The following SGCZ variants were observed in gnomAD, a reference collection of about 807,000 sequenced individuals.
The protein encoded by SGCZ is zeta-sarcoglycan.
A neutral mutation model predicts 41.3 loss-of-function variants in SGCZ; 40 were observed. The observed-to-expected ratio is 0.97, with a 90% CI of 0.75 to 1.26. The LOEUF (loss-of-function observed/expected upper bound fraction) is 1.26, where lower values mean the gene tolerates loss of function less well. Among genes scored for constraint, SGCZ ranks in the 50% most tolerant of loss-of-function variants. SGCZ has a pLI of 0.00. For synonymous variants in SGCZ, 206 were observed against 137.5 expected (o/e 1.50, Z -3.49); for missense variants, 552 against 369.8 (o/e 1.49, Z -4.04).
rs1016844582 is a variant in SGCZ, at chr8:14,090,381, G to C, written c.*62C>G. 13 of 1,545,772 alleles carry C rather than the reference G, an allele frequency of 8.4e-6. No individual in the cohort carries two copies. Among genetic ancestry groups the C allele is most frequent in the African/African-American group, 1.4e-5 (1 of 73,250 alleles). On this transcript the variant is annotated 3_prime_UTR_variant, in exon 8 of 8. Coordinates refer to ENST00000382080, the MANE Select transcript of SGCZ (RefSeq NM_139167.4). Reference sequence around the variant, plus strand: ...GACTGATCACAAGGGAAACCGAGCAGAACTGTGAAGCAGACGGACAGGAAC... The same window carrying C: ...GACTGATCACAAGGGAAACCGAGCACAACTGTGAAGCAGACGGACAGGAAC...
At chr8:14,409,085 C>T (rs928870919) in intron 2 of SGCZ, among the ~76,000 whole-genome samples, 2 of 151,802 alleles carry the variant, frequency 1.3e-5, no homozygotes, top group East Asian at 1.9e-4. Context: ...TTAGCAAATG[C>T]TAAGTTCTCA....
intron 3 of SGCZ, among the ~76,000 whole-genome samples, chr8:14,265,544 G>T (rs1381400175): frequency 6.6e-6 from 1 of 152,082 alleles, no homozygotes; most frequent in Admixed American, 6.6e-5. Flanking sequence ...TTTAGAAACA[G>T]CTACAAGAAC....
chr8:14,526,567 T>A (rs1158033087), intron 2 of SGCZ, among the ~76,000 whole-genome samples: 2 of 152,164 alleles, frequency 1.3e-5, no homozygotes, highest in Non-Finnish European at 2.9e-5. Context: ...TTCTACACAA[T>A]TGATAGGAAA....
chr8:14,248,356 T>TGATGGTAAC (rs1799177645), intron 3 of SGCZ, among the ~76,000 whole-genome samples: 1 of 151,820 alleles, frequency 6.6e-6, no homozygotes, highest in Non-Finnish European at 1.5e-5. Flanking sequence ...ATGATGGTGA[T>TGATGGTAAC]GACGATGCTA....
chr8:14,729,553 A>G (rs2130230480), intron 1 of SGCZ, among the ~76,000 whole-genome samples: 1 of 152,352 alleles, frequency 6.6e-6, no homozygotes, highest in African/African-American at 2.4e-5. Context: ...GTGAGGACAC[A>G]GTGAGAATAC....
At chr8:14,851,633 G>T (rs1585318327) in intron 1 of SGCZ, among the ~76,000 whole-genome samples, 1 of 151,954 alleles carries the variant, frequency 6.6e-6, no homozygotes, top group African/African-American at 2.4e-5. Flanking sequence ...AAATAGATGG[G>T]CATTGTATTT....
intron 1 of SGCZ, among the ~76,000 whole-genome samples, chr8:14,742,138 G>A (rs957526302): frequency 2.0e-5 from 3 of 151,900 alleles, no homozygotes; most frequent in African/African-American, 7.2e-5. Flanking sequence ...CAAGAAACAT[G>A]AGCCTAAAGT....
Position 14,624,719 on chromosome 8 carries a change from C to T in SGCZ, c.40-69793G>A, listed in dbSNP as rs191472048. On this transcript the variant is annotated intron_variant, in intron 1 of 7. Transcript: ENST00000382080. ...CCAAGTAACTGGCACTACAGATGTG[C>T]GCCACCACACCCAGCTAATTTTTGT... 1.0e-3 allele frequency among the ~76,000 whole-genome samples: 151 copies of T among 151,330 alleles called. 1 individual carries two copies. The East Asian group carries it at 0.014, about 14-fold the overall frequency.
chr8:14,819,472 G>A (rs552200792), intron 1 of SGCZ, among the ~76,000 whole-genome samples: 16 of 152,194 alleles, frequency 1.1e-4, no homozygotes, highest in African/African-American at 3.6e-4. Flanking sequence ...TGGCCTTATA[G>A]GGAACACTCA....
At chr8:14,869,836 C>T (rs1190700930) in intron 1 of SGCZ, among the ~76,000 whole-genome samples, 1 of 152,160 alleles carries the variant, frequency 6.6e-6, no homozygotes, top group African/African-American at 2.4e-5. Flanking sequence ...CTCCCATTCA[C>T]ACTTGCTACA....
chr8:14,331,412 C>T (rs999352111), intron 2 of SGCZ, among the ~76,000 whole-genome samples: 2 of 151,802 alleles, frequency 1.3e-5, no homozygotes, highest in Admixed American at 1.3e-4. Flanking sequence ...CTGTTTTTCC[C>T]CAAGCATAAA....
chr8:14,260,702 G>C (rs914860230), intron 3 of SGCZ, among the ~76,000 whole-genome samples: 2 of 152,170 alleles, frequency 1.3e-5, no homozygotes, highest in South Asian at 4.1e-4. Context: ...CAACCCAAAT[G>C]TCCAACCATA....
At chr8:15,032,357 A>T (rs748894902) in intron 1 of SGCZ, among the ~76,000 whole-genome samples, 4 of 152,208 alleles carry the variant, frequency 2.6e-5, no homozygotes, top group Non-Finnish European at 5.9e-5. Context: ...GACGCACATC[A>T]GCACTACTCC....
chr8:14,719,706 T>G (rs1457842588), intron 1 of SGCZ, among the ~76,000 whole-genome samples: 2 of 151,900 alleles, frequency 1.3e-5, no homozygotes, highest in East Asian at 3.9e-4. Flanking sequence ...GGGTTGTTTG[T>G]TTTTTTCTTG....
chr8:14,582,437 C>T (rs187374522), intron 1 of SGCZ, among the ~76,000 whole-genome samples: 216 of 152,020 alleles, frequency 1.4e-3, no homozygotes, highest in Admixed American at 2.4e-3. Context: ...ACATATAATA[C>T]GTAATCATGT....
intron 2 of SGCZ, among the ~76,000 whole-genome samples, chr8:14,454,539 A>G (rs79345722): frequency 6.6e-6 from 1 of 152,146 alleles, no homozygotes; most frequent in African/African-American, 2.4e-5. Flanking sequence ...TTAGGGAGTT[A>G]AAAAAAGTAG....
At chr8:14,762,519 A>T (rs1381681865) in intron 1 of SGCZ, among the ~76,000 whole-genome samples, 2 of 152,234 alleles carry the variant, frequency 1.3e-5, no homozygotes, top group Non-Finnish European at 2.9e-5. Context: ...TATAGTAAGT[A>T]CTGAATGAAT....
intron 1 of SGCZ, among the ~76,000 whole-genome samples, chr8:15,030,307 A>C (rs1310815524): frequency 1.3e-5 from 2 of 152,164 alleles, no homozygotes; most frequent in Non-Finnish European, 2.9e-5. Flanking sequence ...AGAAAATAGC[A>C]CGGTGAAAAT....
At chr8:14,484,529 C>G (rs1010815598) in intron 2 of SGCZ, among the ~76,000 whole-genome samples, 13 of 152,042 alleles carry the variant, frequency 8.6e-5, no homozygotes, top group African/African-American at 2.7e-4. Context: ...GGTTTTTTTA[C>G]ACACATAGAA....
Sources: allele counts gnomAD v4.1 joint callset (sites outside exome capture counted in the v4.1 genomes callset), GRCh38; gene constraint gnomAD v4.1.1; transcripts MANE v1.5; gene names NCBI Gene and HGNC (gene_info 2026-07-23, HGNC 2026-07-21).